Variants in HIVEP3 observed in about 807,000 individuals in gnomAD.
The protein encoded by HIVEP3 is transcription factor HIVEP3.
Under a neutral mutation model 152.8 loss-of-function variants are expected in HIVEP3, and 49 were observed. The observed-to-expected ratio is 0.32, with a 90% CI of 0.26 to 0.41. HIVEP3 has a LOEUF of 0.41. HIVEP3 is among the 10% of genes least tolerant of loss of function. HIVEP3 has a pLI of 1.00. For synonymous variants in HIVEP3, 1,269 were observed against 1,289.0 expected (o/e 0.98, Z 0.33); for missense variants, 2,790 against 3,103.3 (o/e 0.90, Z 2.40).
chr1:41,609,044 A>G (rs1644861416), intron 3 of HIVEP3, among the ~76,000 whole-genome samples: 1 of 151,450 alleles, frequency 6.6e-6, no homozygotes, highest in Non-Finnish European at 1.5e-5. Context: ...GGGCAACAAG[A>G]GTGAAACTCC....
intron 1 of HIVEP3, among the ~76,000 whole-genome samples, chr1:41,900,415 G>C (rs767748840): frequency 7.2e-5 from 11 of 152,126 alleles, no homozygotes; most frequent in Non-Finnish European, 1.5e-4. Context: ...TCCTCCCTTG[G>C]GGGTAGAGTA....
chr1:42,007,074 T>C (rs989938492), intron 1 of HIVEP3, among the ~76,000 whole-genome samples: 5 of 152,208 alleles, frequency 3.3e-5, no homozygotes, highest in African/African-American at 9.7e-5. Context: ...TGAGTTTTTC[T>C]GAGTAATAAG....
At chr1:41,654,105 GC>G (rs1304088322) in intron 2 of HIVEP3, among the ~76,000 whole-genome samples, 1 of 151,954 alleles carries the variant, frequency 6.6e-6, no homozygotes, top group Non-Finnish European at 1.5e-5. Flanking sequence ...ACTTGATATA[GC>G]TCTACAAGTA....
intron 1 of HIVEP3, among the ~76,000 whole-genome samples, chr1:42,003,149 C>A (rs1404359311): frequency 1.3e-5 from 2 of 151,964 alleles, no homozygotes; most frequent in Non-Finnish European, 2.9e-5. Flanking sequence ...AATCTCGGCT[C>A]ACTGTAACCT....
intron 5 of HIVEP3, among the ~76,000 whole-genome samples, chr1:41,529,939 AC>A (rs372261695): frequency 3.3e-5 from 2 of 61,532 alleles, no homozygotes; most frequent in South Asian, 6.7e-4. Flanking sequence ...ACGGACATGC[AC>A]CCCCCACCCT....
At chr1:41,663,178 C>A (rs1259919981) in intron 2 of HIVEP3, among the ~76,000 whole-genome samples, 1 of 152,248 alleles carries the variant, frequency 6.6e-6, no homozygotes, top group Admixed American at 6.5e-5. Flanking sequence ...GATCTCTCTC[C>A]GTGATCTGTT....
chr1:41,640,680 G>A (rs746072903), intron 2 of HIVEP3, among the ~76,000 whole-genome samples: 3 of 152,166 alleles, frequency 2.0e-5, no homozygotes, highest in Non-Finnish European at 2.9e-5. Flanking sequence ...AAATCTCCCC[G>A]GGTTGTAGAC....
At chr1:41,632,243 G>T (rs1645205924) in intron 2 of HIVEP3, among the ~76,000 whole-genome samples, 1 of 152,176 alleles carries the variant, frequency 6.6e-6, no homozygotes, top group Non-Finnish European at 1.5e-5. Context: ...CGCCCAAGTT[G>T]GTTGTTTATT....
At chr1:41,774,161 C>T (rs973459709) in intron 1 of HIVEP3, among the ~76,000 whole-genome samples, 2 of 152,228 alleles carry the variant, frequency 1.3e-5, no homozygotes, top group Non-Finnish European at 2.9e-5. Context: ...ACTCCTGCAC[C>T]TGCCTCTGCA....
intron 1 of HIVEP3, among the ~76,000 whole-genome samples, chr1:41,852,303 A>G (rs1643626412): frequency 6.6e-6 from 1 of 152,270 alleles, no homozygotes; most frequent in Non-Finnish European, 1.5e-5. Flanking sequence ...TGAGCAGGGC[A>G]GCCAACAGGA....
chr1:42,007,098 T>C (rs985707089), intron 1 of HIVEP3, among the ~76,000 whole-genome samples: 1 of 152,190 alleles, frequency 6.6e-6, no homozygotes, highest in African/African-American at 2.4e-5. Context: ...AATTATGAAA[T>C]ACAATAGAGC....
chr1:41,737,970 C>G (rs185282253), intron 1 of HIVEP3, among the ~76,000 whole-genome samples: 48 of 152,328 alleles, frequency 3.2e-4, no homozygotes, highest in African/African-American at 1.1e-3. Flanking sequence ...TGTTCTGTGT[C>G]ACTGAAATTC....
Position 41,584,250 on chromosome 1 carries a change from T to C in HIVEP3, c.548A>G (p.Glu183Gly). ...LKPTEEAHKK[E>G]RKPQKPGKYI... ...CTTGCCTGGCTTCTGGGGCTTCCTC[T>C]CCTTCTTGTGTGCCTCTTCTGTGGG... The change falls in exon 4 of 9, where the codon GAG (glutamate) becomes GGG (glycine). Residue 183 changes from glutamate (E) to glycine (G), a missense_variant. By Grantham distance (98) the Glu-to-Gly change is moderately conservative (BLOSUM62 -2). Transcript: ENST00000372583. The surrounding 1 kb of genome is among the most constrained non-coding windows in gnomAD (Gnocchi z 5.2). 3 of 1,613,620 alleles carry C rather than the reference T, an allele frequency of 1.9e-6. No individual in the cohort carries two copies. The highest frequency in any genetic ancestry group is 2.5e-6 in the Non-Finnish European group (3 of 1,179,710).
intron 1 of HIVEP3, among the ~76,000 whole-genome samples, chr1:41,710,600 T>C (rs1558199718): frequency 1.3e-5 from 2 of 152,122 alleles, no homozygotes; most frequent in Non-Finnish European, 2.9e-5. Context: ...CTCAGCCCAG[T>C]CCTCCCTCTC....
At position 41,640,346 on chromosome 1, in the gene HIVEP3, C is replaced by T. The variant is rs188446467; in HGVS notation, c.-720-11399G>A. Among the ~76,000 whole-genome samples, 259 of 152,206 alleles carry T rather than the reference C, an allele frequency of 1.7e-3. 1 individual carries two copies. The highest frequency in any genetic ancestry group is 2.4e-3 in the Non-Finnish European group (162 of 67,996). On this transcript the variant is annotated intron_variant, in intron 2 of 8. Transcript: ENST00000372583. ...CTTCCTGCTATATCAGGCCACACCTCGCAGCCCTCTGTCACAGAAAGCCCC... is the reference window on the plus strand; with the variant it reads ...CTTCCTGCTATATCAGGCCACACCTTGCAGCCCTCTGTCACAGAAAGCCCC...
upstream of HIVEP3, among the ~76,000 whole-genome samples, chr1:41,921,717 C>T (rs376803202): frequency 8.9e-4 from 135 of 151,312 alleles, no homozygotes; most frequent in African/African-American, 3.0e-3. Context: ...GAATCATAGG[C>T]AGCAGTTTAA....
In HIVEP3 at chr1:41,690,744, G is replaced by A. The variant is rs1431720698; in HGVS notation, c.-721+10172C>T. On this transcript the variant is annotated intron_variant, in intron 2 of 8. Coordinates refer to ENST00000372583, the MANE Select transcript of HIVEP3 (RefSeq NM_024503.5). ...ACCAGCCTGGCCAACATGGTGAAAC[G>A]CTGTCTCTACTAAAAATACAAAAAT... is the stretch of plus-strand genomic sequence containing the variant. Among the ~76,000 whole-genome samples, 7 of 152,118 alleles carry A rather than the reference G, an allele frequency of 4.6e-5. No individual in the cohort carries two copies. The East Asian group carries it at 1.2e-3, about 25-fold the overall frequency.
chr1:41,631,712 A>G (rs1022334154), intron 2 of HIVEP3, among the ~76,000 whole-genome samples: 3 of 151,932 alleles, frequency 2.0e-5, no homozygotes, highest in African/African-American at 4.8e-5. Context: ...GGCTCTATCA[A>G]TCAGTTCCTG....
intron 1 of HIVEP3, among the ~76,000 whole-genome samples, chr1:41,880,615 A>G (rs1348730542): frequency 6.6e-6 from 1 of 152,128 alleles, no homozygotes; most frequent in East Asian, 1.9e-4. Context: ...TCCGCCCTTG[A>G]GAGATTCTAT....
Sources: gnomAD v4.1 joint callset for allele counts (sites outside exome capture counted in the v4.1 genomes callset) on GRCh38, gnomAD v4.1.1 for gene constraint, Gnocchi (gnomAD v3.1) non-coding constraint, MANE v1.5 for transcripts, NCBI Gene and HGNC (gene_info 2026-07-23, HGNC 2026-07-21) for gene names.